Variants in OPCML observed in about 807,000 individuals in gnomAD.
OPCML encodes the protein opioid binding protein/cell adhesion molecule like.
Under a neutral mutation model 37.8 loss-of-function variants are expected in OPCML, and 13 were observed. The observed-to-expected ratio is 0.34, with a 90% CI of 0.22 to 0.55. The LOEUF is 0.55. Among genes scored for constraint, OPCML ranks in the 20% least tolerant of loss-of-function variants. The pLI, the probability that OPCML is intolerant of heterozygous loss-of-function variation, is 0.91. For missense variants in OPCML, 341 were observed against 435.6 expected (o/e 0.78, Z 1.93); for synonymous variants, 176 against 168.8 (o/e 1.04, Z -0.33).
At chr11:133,376,187 G>A (rs578024638) in intron 1 of OPCML, among the ~76,000 whole-genome samples, 157 of 141,534 alleles carry the variant, frequency 1.1e-3, no homozygotes, top group Non-Finnish European at 2.0e-3. Flanking sequence ...GTAAAAAATT[G>A]CAATACTTTT....
intron 1 of OPCML, among the ~76,000 whole-genome samples, chr11:133,209,152 A>G (rs1403354440): frequency 1.3e-5 from 2 of 152,180 alleles, no homozygotes; most frequent in Admixed American, 1.3e-4. Context: ...TTAAATAATT[A>G]TTGGTGTAAT....
intron 1 of OPCML, among the ~76,000 whole-genome samples, chr11:133,048,986 G>A (rs1453875692): frequency 1.3e-5 from 2 of 152,292 alleles, no homozygotes; most frequent in African/African-American, 4.8e-5. Context: ...TTCAAGACTA[G>A]CAGCTTCATT....
At chr11:133,245,219 C>A (rs1940877668) in intron 1 of OPCML, among the ~76,000 whole-genome samples, 1 of 152,212 alleles carries the variant, frequency 6.6e-6, no homozygotes, top group African/African-American at 2.4e-5. Flanking sequence ...CAACCACCTG[C>A]ACTACAGGGG....
intron 1 of OPCML, among the ~76,000 whole-genome samples, chr11:132,983,823 T>C (rs1025954108): frequency 6.6e-6 from 1 of 152,258 alleles, no homozygotes; most frequent in Admixed American, 6.5e-5. Context: ...CAAAGCCAAT[T>C]ATGTTAATGG....
At chr11:133,456,899 A>G (rs1721827049) in intron 1 of OPCML, among the ~76,000 whole-genome samples, 1 of 152,156 alleles carries the variant, frequency 6.6e-6, no homozygotes, top group Non-Finnish European at 1.5e-5. Flanking sequence ...GACAAAATAT[A>G]TACTATCAGA....
At chr11:132,584,873 A>T (rs2096469239) in intron 3 of OPCML, among the ~76,000 whole-genome samples, 1 of 152,228 alleles carries the variant, frequency 6.6e-6, no homozygotes, top group South Asian at 2.1e-4. Flanking sequence ...ATCGACAGAA[A>T]ACAGAAAGTA....
At chr11:132,812,419 G>A (rs766198613) in intron 2 of OPCML, among the ~76,000 whole-genome samples, 2 of 152,046 alleles carry the variant, frequency 1.3e-5, no homozygotes, top group Non-Finnish European at 2.9e-5. Context: ...AAGAAATAGC[G>A]TTGACACTCA....
intron 2 of OPCML, among the ~76,000 whole-genome samples, chr11:132,883,490 A>G (rs1358259535): frequency 2.0e-5 from 3 of 152,190 alleles, no homozygotes; most frequent in Non-Finnish European, 4.4e-5. Flanking sequence ...GGAACAGCTC[A>G]GTGAGGTTGG....
chr11:133,092,960 A>C (rs1406817895), intron 1 of OPCML, among the ~76,000 whole-genome samples: 3 of 152,184 alleles, frequency 2.0e-5, no homozygotes, highest in African/African-American at 7.2e-5. Context: ...TATAAGAGAT[A>C]TCCAGTGTTC....
intron 1 of OPCML, among the ~76,000 whole-genome samples, chr11:133,032,073 C>T (rs1264200553): frequency 6.6e-6 from 1 of 152,138 alleles, no homozygotes; most frequent in East Asian, 1.9e-4. Flanking sequence ...GAGTGGATAT[C>T]CAGTAGTTTA....
chr11:132,876,389 T>C (rs1024936843), intron 2 of OPCML, among the ~76,000 whole-genome samples: 3 of 152,180 alleles, frequency 2.0e-5, no homozygotes, highest in African/African-American at 7.2e-5. Flanking sequence ...TCTGTCTCCT[T>C]AACGCTGTCA....
intron 2 of OPCML, among the ~76,000 whole-genome samples, chr11:132,760,148 C>G (rs182925339): frequency 5.9e-5 from 9 of 152,162 alleles, no homozygotes; most frequent in African/African-American, 2.2e-4. Flanking sequence ...TTTGATTGCA[C>G]TGTGGTCTGA....
chr11:132,529,981 G>A (rs140718069), intron 3 of OPCML, among the ~76,000 whole-genome samples: 11 of 152,222 alleles, frequency 7.2e-5, no homozygotes, highest in South Asian at 6.2e-4. Context: ...CTACATGACC[G>A]TTAGCAAGGT....
intron 4 of OPCML, among the ~76,000 whole-genome samples, chr11:132,508,412 T>C (rs1029797341): frequency 1.2e-4 from 18 of 152,256 alleles, no homozygotes; most frequent in African/African-American, 4.1e-4. Context: ...TGGTCTACCA[T>C]TAAAAAATCA....
intron 1 of OPCML, among the ~76,000 whole-genome samples, chr11:133,116,126 G>C (rs10894651): frequency 1.3e-5 from 2 of 151,730 alleles, no homozygotes; most frequent in African/African-American, 4.8e-5. Flanking sequence ...CTGCCACCAC[G>C]CCTGGCTAAT....
chr11:132,775,994 C>A (rs1367341606), intron 2 of OPCML, among the ~76,000 whole-genome samples: 1 of 152,150 alleles, frequency 6.6e-6, no homozygotes, highest in African/African-American at 2.4e-5. Context: ...TGCAGTGGTG[C>A]GATCTCATCA....
At chr11:132,738,898 G>C (rs573606742) in intron 2 of OPCML, among the ~76,000 whole-genome samples, 12 of 152,222 alleles carry the variant, frequency 7.9e-5, no homozygotes, top group Admixed American at 5.9e-4. Flanking sequence ...CTAATGAAGA[G>C]GATCAAAATA....
At chr11:132,645,098 C>T (rs946384043) in intron 3 of OPCML, among the ~76,000 whole-genome samples, 3 of 152,192 alleles carry the variant, frequency 2.0e-5, no homozygotes, top group Admixed American at 1.3e-4. Flanking sequence ...ACCATCAGGG[C>T]ACCTTGTTTA....
At chr11:133,437,877 C>T (rs1946277249) in intron 1 of OPCML, among the ~76,000 whole-genome samples, 4 of 152,156 alleles carry the variant, frequency 2.6e-5, no homozygotes, top group Admixed American at 2.6e-4. Context: ...CTATACTCCA[C>T]ACCCTGGCAA....
Sources: allele counts gnomAD v4.1 joint callset (sites outside exome capture counted in the v4.1 genomes callset), GRCh38; gene constraint gnomAD v4.1.1; transcripts MANE v1.5; gene names NCBI Gene and HGNC (gene_info 2026-07-23, HGNC 2026-07-21).